The following RBFOX1 variants were observed in gnomAD, a reference collection of about 807,000 sequenced individuals.
RBFOX1 encodes RNA binding protein fox-1 homolog 1.
In RBFOX1, 8 loss-of-function variants were observed where a neutral mutation model predicts 57.7. The ratio of observed to expected loss-of-function variants is 0.14; its 90% CI spans 0.08 to 0.25. RBFOX1 has a LOEUF of 0.25. RBFOX1 is among the 10% of genes least tolerant of loss of function. The probability of loss-of-function intolerance (pLI) is 1.00; values close to 1 mark genes in which losing one functional copy is unlikely to be tolerated. For missense variants in RBFOX1, 611 were observed against 548.5 expected (o/e 1.11, Z -1.14); for synonymous variants, 326 against 222.4 (o/e 1.47, Z -4.15).
chr16:7,415,769 A>T (rs1309681989), intron 4 of RBFOX1, among the ~76,000 whole-genome samples: 1 of 133,740 alleles, frequency 7.5e-6, no homozygotes, highest in African/African-American at 3.6e-5. Context: ...AGTGCAGGAA[A>T]GTGGAAGAAA....
At chr16:6,705,753 T>A (rs1315321384) in intron 3 of RBFOX1, among the ~76,000 whole-genome samples, 1 of 152,130 alleles carries the variant, frequency 6.6e-6, no homozygotes, top group East Asian at 1.9e-4. Context: ...CATGGTGGCT[T>A]AAGCCTGTAA....
chr16:7,481,892 A>G (rs962317564), intron 4 of RBFOX1, among the ~76,000 whole-genome samples: 8 of 152,244 alleles, frequency 5.3e-5, no homozygotes, highest in African/African-American at 1.7e-4. Context: ...CTATCTTACA[A>G]TAAAGTGTTG....
intron 4 of RBFOX1, among the ~76,000 whole-genome samples, chr16:7,339,425 G>A (rs1330352817): frequency 6.6e-6 from 1 of 152,090 alleles, no homozygotes; most frequent in African/African-American, 2.4e-5. Context: ...GAGAGAAGGA[G>A]AGAGGAAAGA....
Position 7,579,813 on chromosome 16 carries a change from C to A in RBFOX1, c.307C>A (p.Gln103Lys). Residue 103 changes from glutamine (Q) to lysine (K), a missense_variant, in exon 6 of 16, where the codon CAG becomes AAG. Coordinates refer to ENST00000550418, the MANE Select transcript of RBFOX1 (RefSeq NM_018723.4). ...DDAAPTDGQP[Q>K]TQPSENTENK... ...CGCAGCACCGACGGATGGCCAGCCC[C>A]AGACACAACCTTCTGAAAACACGGA... The A allele has an allele frequency of 6.2e-7, 1 of 1,614,100 alleles. No individual in the cohort carries two copies. Among genetic ancestry groups the A allele is most frequent in the African/African-American group, 1.3e-5 (1 of 75,032 alleles).
intron 4 of RBFOX1, among the ~76,000 whole-genome samples, chr16:7,321,824 C>T (rs1439989469): frequency 6.6e-6 from 1 of 152,182 alleles, no homozygotes; most frequent in Non-Finnish European, 1.5e-5. Context: ...CACTGCTAAT[C>T]TGGGGAGTTG....
At chr16:7,389,455 G>A (rs539785263) in intron 4 of RBFOX1, among the ~76,000 whole-genome samples, 15 of 152,256 alleles carry the variant, frequency 9.9e-5, no homozygotes, top group Non-Finnish European at 2.1e-4. Flanking sequence ...AATGTTGATT[G>A]GGGTGTGCTT....
intron 3 of RBFOX1, among the ~76,000 whole-genome samples, chr16:5,618,329 ATTTT>A (rs71142632): frequency 0.01 from 1,523 of 149,542 alleles, 23 homozygotes; most frequent in African/African-American, 0.035. Flanking sequence ...ATGGCTGCAG[ATTTT>A]TTTTTTTTGT....
At chr16:5,726,607 C>T (rs2052161603) in intron 3 of RBFOX1, among the ~76,000 whole-genome samples, 1 of 152,214 alleles carries the variant, frequency 6.6e-6, no homozygotes, top group Non-Finnish European at 1.5e-5. Context: ...TGCTGCTTCT[C>T]ACCTCCCTTG....
intron 3 of RBFOX1, among the ~76,000 whole-genome samples, chr16:7,018,849 T>G (rs1006500259): frequency 7.3e-5 from 11 of 151,604 alleles, no homozygotes; most frequent in Middle Eastern, 3.5e-3. Context: ...CCAGGTGCAG[T>G]GGCTGACGAC....
At chr16:5,783,069 T>G (rs2054376606) in intron 3 of RBFOX1, among the ~76,000 whole-genome samples, 1 of 152,186 alleles carries the variant, frequency 6.6e-6, no homozygotes, top group Admixed American at 6.5e-5. Context: ...ACCAAATATC[T>G]TAGCATTCCC....
intron 2 of RBFOX1, among the ~76,000 whole-genome samples, chr16:5,564,268 T>G (rs1340937179): frequency 6.6e-6 from 1 of 152,094 alleles, no homozygotes; most frequent in Non-Finnish European, 1.5e-5. Flanking sequence ...TCCACCTGCC[T>G]CACACTCCTA....
chr16:6,200,396 G>A (rs2152828363), intron 1 of RBFOX1, among the ~76,000 whole-genome samples: 1 of 152,186 alleles, frequency 6.6e-6, no homozygotes, highest in South Asian at 2.1e-4. Context: ...GAGAGAGAGA[G>A]AGAGAAAGAG....
intron 1 of RBFOX1, among the ~76,000 whole-genome samples, chr16:5,377,755 G>T (rs2066024113): frequency 6.6e-6 from 1 of 151,552 alleles, no homozygotes; most frequent in African/African-American, 2.4e-5. Context: ...CTCCACACTT[G>T]TCAACAAGTC....
chr16:6,263,238 T>A (rs1053690810), intron 1 of RBFOX1, among the ~76,000 whole-genome samples: 1 of 152,178 alleles, frequency 6.6e-6, no homozygotes, highest in Non-Finnish European at 1.5e-5. Context: ...TTGTTTGAAA[T>A]CCATTTGTGT....
chr16:5,440,263 G>C (rs1039875426), intron 1 of RBFOX1, among the ~76,000 whole-genome samples: 2 of 152,126 alleles, frequency 1.3e-5, no homozygotes, highest in African/African-American at 4.8e-5. Context: ...TATCGTTCCA[G>C]GTACAAAATC....
At chr16:7,283,550 A>C (rs1197085993) in intron 4 of RBFOX1, among the ~76,000 whole-genome samples, 1 of 152,024 alleles carries the variant, frequency 6.6e-6, no homozygotes, top group Non-Finnish European at 1.5e-5. Flanking sequence ...TTGGCCAGGG[A>C]AACACCCTTG....
intron 4 of RBFOX1, among the ~76,000 whole-genome samples, chr16:7,359,501 C>G (rs2097279521): frequency 6.6e-6 from 1 of 152,130 alleles, no homozygotes; most frequent in South Asian, 2.1e-4. Context: ...TATAAGGTTG[C>G]TCAGGAAGGG....
intron 4 of RBFOX1, among the ~76,000 whole-genome samples, chr16:7,368,390 G>A (rs527531513): frequency 2.4e-4 from 36 of 152,010 alleles, no homozygotes; most frequent in African/African-American, 5.3e-4. Flanking sequence ...GAAAGTTTAC[G>A]TATTACCAGA....
chr16:5,389,888 G>T (rs924755299), intron 1 of RBFOX1, among the ~76,000 whole-genome samples: 7 of 151,904 alleles, frequency 4.6e-5, no homozygotes, highest in African/African-American at 1.7e-4. Flanking sequence ...GGTAGAGATG[G>T]AGCTTCACCA....
Sources: allele counts gnomAD v4.1 joint callset (sites outside exome capture counted in the v4.1 genomes callset), GRCh38; gene constraint gnomAD v4.1.1; transcripts MANE v1.5; gene names NCBI Gene and HGNC (gene_info 2026-07-23, HGNC 2026-07-21).